ABCD2: variants seen among roughly 807,000 people sequenced by gnomAD.
ABCD2 encodes ATP-binding cassette sub-family D member 2.
In ABCD2, 36 loss-of-function variants were observed where a neutral mutation model predicts 70.9. The observed-to-expected ratio is 0.51, with a 90% CI of 0.39 to 0.67. ABCD2 has a LOEUF of 0.67. Among genes scored for constraint, ABCD2 ranks in the 30% least tolerant of loss-of-function variants. The probability of loss-of-function intolerance (pLI) is 0.00; values close to 1 mark genes in which losing one functional copy is unlikely to be tolerated. For synonymous variants in ABCD2, 304 were observed against 306.9 expected, an observed-to-expected ratio of 0.99 and a Z score of 0.10; for missense variants, 729 against 890.2, an observed-to-expected ratio of 0.82 and a Z score of 2.30.
At chr12:39,612,488 A>C (rs1290770689) in intron 2 of ABCD2, among the ~76,000 whole-genome samples, 1 of 152,220 alleles carries the variant, frequency 6.6e-6, no homozygotes, top group African/African-American at 2.4e-5. Context: ...AGTATGTATT[A>C]TATAATACTA....
chr12:39,576,237 G>T (rs569780432), intron 8 of ABCD2, among the ~76,000 whole-genome samples: 10 of 152,268 alleles, frequency 6.6e-5, no homozygotes, highest in African/African-American at 1.9e-4. Context: ...TCGGCTCACT[G>T]CAATCTCCGC....
intron 1 of ABCD2, among the ~76,000 whole-genome samples, chr12:39,617,804 T>C (rs1385334928): frequency 2.0e-5 from 3 of 152,220 alleles, no homozygotes; most frequent in African/African-American, 7.2e-5. Flanking sequence ...ACATGCCATC[T>C]TCAACAGTAG....
chr12:39,609,050 G>A (rs1942010698), intron 2 of ABCD2, among the ~76,000 whole-genome samples: 1 of 152,064 alleles, frequency 6.6e-6, no homozygotes. Context: ...AAGAATCCTT[G>A]TCTCTTTCAG....
intron 8 of ABCD2, among the ~76,000 whole-genome samples, chr12:39,574,851 G>A (rs1189357742): frequency 6.6e-6 from 1 of 152,054 alleles, no homozygotes; most frequent in African/African-American, 2.4e-5. Context: ...TCCTAAAATC[G>A]ATTTGCTTAT....
At chr12:39,587,469 A>G (rs1941681525) in intron 6 of ABCD2, among the ~76,000 whole-genome samples, 1 of 152,154 alleles carries the variant, frequency 6.6e-6, no homozygotes, top group African/African-American at 2.4e-5. Context: ...AACAAAAATA[A>G]TTGTCTCCAG....
chr12:39,573,888 A>G (rs768652048), intron 8 of ABCD2, 47 bp from the exon 9 acceptor site: 18 of 1,562,148 alleles, frequency 1.2e-5, no homozygotes, highest in Middle Eastern at 1.7e-4. Context: ...TATATGAACT[A>G]TAAGTTTTTC....
At position 39,604,910 on chromosome 12, in the gene ABCD2, G is replaced by A. The variant is rs1392700092; in HGVS notation, c.1257C>T (p.Tyr419=). ...AAAACATATTGTACACTCGAGCAGT[G>A]TAGCCTGCTAATTCAGTGACCTAAA... The part of the protein sequence containing the change: ...SYKEVTELAG[Y]TARVYNMFWV... Residue 419 remains tyrosine (Y), a synonymous_variant, in exon 4 of 10, where the codon TAC becomes TAT. Transcript: ENST00000308666. 6.3e-7 allele frequency: 1 copy of A among 1,595,882 alleles called. No individual in the cohort carries two copies. The highest frequency in any genetic ancestry group is 1.4e-5 in the African/African-American group (1 of 73,998).
the ABCD2 span, among the ~76,000 whole-genome samples, chr12:39,534,665 GAA>G: frequency 7.4e-6 from 1 of 134,892 alleles, no homozygotes; most frequent in South Asian, 2.3e-4. Flanking sequence ...AAAAAAGAAA[GAA>G]AGAGAGAGAG....
At chr12:39,599,460 A>G (rs867289837) in intron 6 of ABCD2, among the ~76,000 whole-genome samples, 29 of 152,226 alleles carry the variant, frequency 1.9e-4, no homozygotes, top group African/African-American at 6.8e-4. Context: ...TTGAAAGCAT[A>G]GACAGAAAGG....
intron 9 of ABCD2, among the ~76,000 whole-genome samples, chr12:39,569,863 T>G (rs2120582118): frequency 6.6e-6 from 1 of 152,260 alleles, no homozygotes; most frequent in East Asian, 1.9e-4. Context: ...CAGAAAACAT[T>G]AGATTTATAA....
chr12:39,533,330 A>G, the ABCD2 span, among the ~76,000 whole-genome samples: 1 of 152,210 alleles, frequency 6.6e-6, no homozygotes, highest in African/African-American at 2.4e-5. Flanking sequence ...TATTACTTTT[A>G]CCATTGAAAA....
rs542123305 is a variant in ABCD2, at chr12:39,552,427, C to G, written c.*1485G>C. On this transcript the variant is annotated 3_prime_UTR_variant, in exon 10 of 10. Transcript: ENST00000308666. ...TTCTTCTGGTATGTCAATGTGGTAT[C>G]ACAGGCAGCAAGAGATAAAGTTTCA... 7 of 152,010 alleles carry G rather than the reference C, an allele frequency of 4.6e-5. No homozygotes were observed. The South Asian group carries it at 1.5e-3, about 32-fold the overall frequency. 9.4% of individuals were successfully genotyped at this position (152,010 alleles called of 1,614,324 possible).
chr12:39,543,341 C>T, the ABCD2 span, among the ~76,000 whole-genome samples: 6 of 152,116 alleles, frequency 3.9e-5, no homozygotes. Context: ...TTACTCCTCT[C>T]CTCTCTAAGT....
At chr12:39,538,825 C>A in the ABCD2 span, among the ~76,000 whole-genome samples, 1 of 152,166 alleles carries the variant, frequency 6.6e-6, no homozygotes, top group Admixed American at 6.5e-5. Context: ...GACAGCTACC[C>A]TGGCTGGAAA....
At chr12:39,533,187 C>T in the ABCD2 span, among the ~76,000 whole-genome samples, 1 of 151,304 alleles carries the variant, frequency 6.6e-6, no homozygotes, top group Non-Finnish European at 1.5e-5. Context: ...AAAACAAAAA[C>T]AAAAAAAGAA....
intron 1 of ABCD2, 43 bp downstream of exon 1, chr12:39,618,634 G>T: frequency 6.4e-7 from 1 of 1,556,142 alleles, no homozygotes; most frequent in South Asian, 1.2e-5. Context: ...GTGGCAACTT[G>T]AACAGTTTCA....
Position 39,603,995 on chromosome 12 carries a change from C to T in ABCD2, c.1417G>A (p.Asp473Asn), listed in dbSNP as rs1941936439. The T allele has an allele frequency of 3.1e-6, 5 of 1,610,212 alleles. No individual in the cohort carries two copies. The highest frequency in any genetic ancestry group is 1.3e-5 in the African/African-American group (1 of 74,774). Residue 473 changes from aspartate (D) to asparagine (N), a missense_variant, in exon 5 of 10, where the codon GAT becomes AAT. Physicochemically the swap from Asp to Asn is conservative, Grantham distance 23. Around this residue, in one of 3 missense-constraint regions of ABCD2, gnomAD observed 289 missense variants for 328.8 expected, o/e 0.88. Coordinates refer to ENST00000308666, the MANE Select transcript of ABCD2 (RefSeq NM_005164.4). ...TCACAAATAATTCCGTGATCCACAT[C>T]AATAACTTTTCCTGTAATTAAGAAA... is the stretch of plus-strand genomic sequence containing the variant. ...DTLAIKGKVI[D>N]VDHGIICENV...
At chr12:39,580,871 G>A (rs1941587349) in intron 7 of ABCD2, among the ~76,000 whole-genome samples, 1 of 152,088 alleles carries the variant, frequency 6.6e-6, no homozygotes, top group Non-Finnish European at 1.5e-5. Flanking sequence ...TGGTCAACAG[G>A]AAAGAAAATA....
intron 9 of ABCD2, among the ~76,000 whole-genome samples, chr12:39,560,977 G>A (rs1941248874): frequency 6.6e-6 from 1 of 152,022 alleles, no homozygotes; most frequent in Non-Finnish European, 1.5e-5. Context: ...GAAAGACTGT[G>A]AGAAGAAAAA....
Sources: allele counts gnomAD v4.1 joint callset (sites outside exome capture counted in the v4.1 genomes callset), GRCh38; gene constraint gnomAD v4.1.1; regional missense constraint gnomAD v4.1.1; transcripts MANE v1.5; gene names NCBI Gene and HGNC (gene_info 2026-07-23, HGNC 2026-07-21).